PFKP: variants seen among roughly 807,000 people sequenced by gnomAD.
PFKP encodes ATP-dependent 6-phosphofructokinase, platelet type.
A neutral mutation model predicts 94.3 loss-of-function variants in PFKP; 101 were observed. The ratio of observed to expected loss-of-function variants is 1.07; its 90% CI spans 0.91 to 1.26. The LOEUF is 1.26. Ranked by LOEUF, PFKP falls within the 50% of genes most tolerant of loss-of-function variation. PFKP has a pLI of 0.00. For synonymous variants in PFKP, 573 were observed against 432.6 expected (o/e 1.32, Z -4.03); for missense variants, 1,145 against 1,103.3 (o/e 1.04, Z -0.53).
chr10:3,103,877 A>G lies in PFKP; in HGVS notation c.553A>G (p.Ile185Val), dbSNP rs768744281. ...DNDFCGTDMT[I>V]GTDSALHRII... ...TGATTTCTGCGGCACCGACATGACC[A>G]TCGGCACGGACTCCGCCCTGCACAG... Residue 185 changes from isoleucine to valine, a missense_variant, in exon 5 of 22, where the codon ATC becomes GTC. Transcript: ENST00000381125. 32 of 1,613,900 alleles carry G rather than the reference A, an allele frequency of 2.0e-5. No homozygotes were observed. Among genetic ancestry groups the G allele is most frequent in the Middle Eastern group, 3.3e-4 (2 of 6,084 alleles).
intron 16 of PFKP, among the ~76,000 whole-genome samples, chr10:3,124,301 T>C (rs1042358276): frequency 1.3e-5 from 2 of 152,216 alleles, no homozygotes; most frequent in African/African-American, 4.8e-5. Flanking sequence ...CACCTTGCTG[T>C]GTGGGGCCAC....
At chr10:3,135,267 T>A (rs1680829344) in intron 20 of PFKP, among the ~76,000 whole-genome samples, 1 of 152,128 alleles carries the variant, frequency 6.6e-6, no homozygotes, top group Non-Finnish European at 1.5e-5. Context: ...ACTGCCAGTG[T>A]CCAACTTAGA....
intron 1 of PFKP, among the ~76,000 whole-genome samples, chr10:3,078,903 C>T (rs1832804136): frequency 6.6e-6 from 1 of 152,208 alleles, no homozygotes; most frequent in Non-Finnish European, 1.5e-5. Flanking sequence ...TCCATCCTAC[C>T]AATGCATAAA....
intron 17 of PFKP, among the ~76,000 whole-genome samples, chr10:3,130,504 T>A (rs907882883): frequency 2.6e-5 from 4 of 152,136 alleles, no homozygotes; most frequent in Non-Finnish European, 5.9e-5. Context: ...CCCTGCAACA[T>A]TCAAAGTTGC....
At chr10:3,096,109 T>G (rs1374793845) in intron 2 of PFKP, among the ~76,000 whole-genome samples, 6 of 152,248 alleles carry the variant, frequency 3.9e-5, no homozygotes, top group African/African-American at 1.4e-4. Context: ...TTTGATTAAA[T>G]CCGTATTTAA....
chr10:3,078,821 G>T (rs970716426), intron 1 of PFKP, among the ~76,000 whole-genome samples: 1 of 152,138 alleles, frequency 6.6e-6, no homozygotes, highest in African/African-American at 2.4e-5. Context: ...CGTCCTACTG[G>T]GCCCCACCGA....
chr10:3,116,693 A>C lies in PFKP; in HGVS notation c.1372-83A>C. 6.0e-6 allele frequency: 6 copies of C among 1,005,734 alleles called. No homozygotes were observed. In the South Asian group the frequency reaches 7.6e-5, roughly 13 times the overall value. 62.3% of individuals were successfully genotyped at this position (1,005,734 alleles called of 1,614,324 possible). On this transcript the variant is annotated intron_variant, in intron 13 of 21. Transcript: ENST00000381125. ...CTTTACCGGAATGCAGCTTGTTGAA[A>C]AGTACAGAAAGCTATTTTTAGCACT... is the stretch of plus-strand genomic sequence containing the variant.
intron 2 of PFKP, among the ~76,000 whole-genome samples, chr10:3,083,724 C>A (rs1833263968): frequency 6.6e-6 from 1 of 152,140 alleles, no homozygotes; most frequent in Non-Finnish European, 1.5e-5. Context: ...CTCACTGCAA[C>A]CTCCGCCTCC....
In PFKP at chr10:3,103,892, G is replaced by C; in HGVS notation, c.568G>C (p.Ala190Pro). Residue 190 changes from alanine (A) to proline (P), a missense_variant, in exon 5 of 22, where the codon GCC (alanine) becomes CCC (proline). Transcript: ENST00000381125. ...GTDMTIGTDSALHRIIEVVDA... is the reference protein window; with the variant it reads ...GTDMTIGTDSPLHRIIEVVDA... ...CGACATGACCATCGGCACGGACTCC[G>C]CCCTGCACAGGATCATCGAGGTCGT... is the stretch of plus-strand genomic sequence containing the variant. 1 of 1,613,938 alleles carries C rather than the reference G, an allele frequency of 6.2e-7. No individual in the cohort carries two copies. Among genetic ancestry groups the C allele is most frequent in the Non-Finnish European group, 8.5e-7 (1 of 1,180,036 alleles).
rs115797374 is a variant in PFKP at position 3,117,982 on chromosome 10, A to G, written c.1443-800A>G. ...GAGTACAAGTACTTCACTTCTTCCA[A>G]TCAACATGAAACCTTTGGATGGGCT... On this transcript the variant is annotated intron_variant, in intron 14 of 21. Transcript: ENST00000381125. Among the ~76,000 whole-genome samples, 401 of 152,266 alleles carry G rather than the reference A, an allele frequency of 2.6e-3. 3 individuals carry two copies. Among genetic ancestry groups the G allele is most frequent in the African/African-American group, 9.3e-3 (387 of 41,534 alleles).
chr10:3,115,469 C>CAGCTGATTA (rs1564327712), intron 13 of PFKP, among the ~76,000 whole-genome samples: 1 of 35,694 alleles, frequency 2.8e-5, no homozygotes, highest in African/African-American at 6.7e-5. Flanking sequence ...GTGTGTCCCG[C>CAGCTGATTA]CATGGAGGAC....
rs372199384 is a variant in PFKP, at chr10:3,105,310, G to A, written c.666-83G>A. 2.7e-5 allele frequency: 36 copies of A among 1,328,428 alleles called. No homozygotes were observed. The African/African-American group carries it at 3.3e-4, about 12-fold the overall frequency. 82.3% of individuals were successfully genotyped at this position (1,328,428 alleles called of 1,614,324 possible). On this transcript the variant is annotated intron_variant, in intron 6 of 21. Transcript: ENST00000381125. ...TTCATACCTGGCGTTAGGTCTGCAC[G>A]TCTGTCGCTGAGCGGGGTGCCTGGG...
At chr10:3,085,926 C>T (rs930508367) in intron 2 of PFKP, among the ~76,000 whole-genome samples, 4 of 151,324 alleles carry the variant, frequency 2.6e-5, no homozygotes, top group African/African-American at 4.9e-5. Context: ...GCTTAGTTTC[C>T]GCTGCTGCTG....
At chr10:3,091,071 C>T (rs527302500) in intron 2 of PFKP, among the ~76,000 whole-genome samples, 3 of 152,066 alleles carry the variant, frequency 2.0e-5, no homozygotes, top group Admixed American at 6.5e-5. Flanking sequence ...GCTGTCTGGC[C>T]GCTGCTTGAG....
intron 14 of PFKP, among the ~76,000 whole-genome samples, chr10:3,118,294 C>G (rs982203271): frequency 6.6e-6 from 1 of 152,064 alleles, no homozygotes; most frequent in African/African-American, 2.4e-5. Flanking sequence ...TGGTGAAACC[C>G]TGTCTCTACT....
At chr10:3,075,813 G>C (rs936057953) in intron 1 of PFKP, among the ~76,000 whole-genome samples, 1 of 150,322 alleles carries the variant, frequency 6.7e-6, no homozygotes, top group Non-Finnish European at 1.5e-5. Flanking sequence ...ATTGAGGTGG[G>C]AGGATTGCCT....
chr10:3,115,884 G>A (rs1216265575), intron 13 of PFKP, among the ~76,000 whole-genome samples: 1 of 152,084 alleles, frequency 6.6e-6, no homozygotes, highest in African/African-American at 2.4e-5. Flanking sequence ...TGGCATCCCT[G>A]GGAACACAGA....
chr10:3,069,372 C>T (rs1832009067), intron 1 of PFKP: 8 of 1,589,862 alleles, frequency 5.0e-6, no homozygotes, highest in African/African-American at 1.3e-5. Context: ...TGACTTAAAC[C>T]GGCCCGGAGA....
At chr10:3,123,026 G>T (rs961157410) in intron 16 of PFKP, among the ~76,000 whole-genome samples, 1 of 152,288 alleles carries the variant, frequency 6.6e-6, no homozygotes, top group Non-Finnish European at 1.5e-5. Flanking sequence ...CTCTGGACAC[G>T]TGCGTCCTCG....
Sources: gnomAD v4.1 joint callset for allele counts (sites outside exome capture counted in the v4.1 genomes callset) on GRCh38, gnomAD v4.1.1 for gene constraint, MANE v1.5 for transcripts, NCBI Gene and HGNC (gene_info 2026-07-23, HGNC 2026-07-21) for gene names.